The following SEMA3A variants were observed in gnomAD, a reference collection of about 807,000 sequenced individuals.
SEMA3A encodes semaphorin 3A.
SEMA3A carries 29 observed loss-of-function variants against 97.9 expected under a neutral mutation model. The observed-to-expected ratio is 0.30, with a 90% confidence interval of 0.22 to 0.40. The LOEUF is 0.40. Among genes scored for constraint, SEMA3A ranks in the 10% least tolerant of loss-of-function variants. The pLI is 1.00. For synonymous variants in SEMA3A, 321 were observed against 323.7 expected (o/e 0.99, Z 0.09); for missense variants, 763 against 951.3 (o/e 0.80, Z 2.60).
intron 1 of SEMA3A, among the ~76,000 whole-genome samples, chr7:84,375,386 T>C (rs954541318): frequency 4.6e-5 from 7 of 152,312 alleles, no homozygotes; most frequent in Non-Finnish European, 8.8e-5. Context: ...TGTTCACGTA[T>C]GCCACCTTAT....
chr7:84,224,251 T>C (rs973560959), intron 3 of SEMA3A, among the ~76,000 whole-genome samples: 3 of 151,974 alleles, frequency 2.0e-5, no homozygotes, highest in Non-Finnish European at 2.9e-5. Context: ...AAATCAATTA[T>C]TGGTGTTTCA....
intron 2 of SEMA3A, among the ~76,000 whole-genome samples, chr7:84,354,927 T>C (rs1350353542): frequency 5.3e-5 from 8 of 151,720 alleles, no homozygotes; most frequent in Admixed American, 5.3e-4. Context: ...TTATAATAGA[T>C]TTTATTCGCC....
chr7:84,326,440 G>T (rs1179882184), intron 2 of SEMA3A, among the ~76,000 whole-genome samples: 1 of 151,918 alleles, frequency 6.6e-6, no homozygotes, highest in Non-Finnish European at 1.5e-5. Flanking sequence ...TAAAACCTAT[G>T]GGTAAATCAC....
intron 4 of SEMA3A, among the ~76,000 whole-genome samples, chr7:84,066,192 C>T (rs1583907176): frequency 2.0e-5 from 3 of 151,986 alleles, no homozygotes; most frequent in Admixed American, 2.0e-4. Context: ...GCAATAGATG[C>T]AGAAAAAGCC....
chr7:84,062,824 G>A (rs1028851949), intron 4 of SEMA3A, among the ~76,000 whole-genome samples: 23 of 150,990 alleles, frequency 1.5e-4, no homozygotes, highest in Admixed American at 4.6e-4. Flanking sequence ...AAACTACAAG[G>A]CCGCAGCGAG....
At chr7:84,176,730 CA>C (rs2116223086) in intron 1 of SEMA3A, among the ~76,000 whole-genome samples, 1 of 152,192 alleles carries the variant, frequency 6.6e-6, no homozygotes, top group African/African-American at 2.4e-5. Flanking sequence ...ATTTCCAAGC[CA>C]CTCTGACAAT....
At chr7:84,068,283 T>G (rs1195253370) in intron 4 of SEMA3A, among the ~76,000 whole-genome samples, 205 of 106,278 alleles carry the variant, frequency 1.9e-3, no homozygotes, top group African/African-American at 6.1e-3. Flanking sequence ...TGGGGTGGGG[T>G]GAGGGGGGAG....
chr7:84,282,857 T>C (rs1196052267), intron 3 of SEMA3A, among the ~76,000 whole-genome samples: 4 of 151,694 alleles, frequency 2.6e-5, no homozygotes, highest in South Asian at 4.2e-4. Context: ...CTACTAAAAA[T>C]AAAAAAATTA....
At chr7:84,300,317 C>A in intron 3 of SEMA3A, among the ~76,000 whole-genome samples, 1 of 151,790 alleles carries the variant, frequency 6.6e-6, no homozygotes, top group Admixed American at 6.6e-5. Context: ...GAAAATTTCC[C>A]ACAACTGAAG....
intron 3 of SEMA3A, among the ~76,000 whole-genome samples, chr7:84,111,988 C>T (rs1394847932): frequency 6.6e-6 from 1 of 152,124 alleles, no homozygotes; most frequent in Non-Finnish European, 1.5e-5. Flanking sequence ...AGAGTCTCTC[C>T]TCCTTCCCCA....
chr7:84,268,388 C>G (rs972616217), intron 3 of SEMA3A, among the ~76,000 whole-genome samples: 1 of 151,682 alleles, frequency 6.6e-6, no homozygotes, highest in African/African-American at 2.4e-5. Context: ...TTCCTTCTCA[C>G]CTCCAGCTTG....
intron 1 of SEMA3A, among the ~76,000 whole-genome samples, chr7:84,414,380 T>G (rs1307241326): frequency 7.1e-6 from 1 of 140,828 alleles, no homozygotes; most frequent in East Asian, 2.1e-4. Context: ...ACATGATAAA[T>G]AATTGGCTAA....
At chr7:84,219,762 G>A (rs1798833585) in intron 3 of SEMA3A, among the ~76,000 whole-genome samples, 1 of 152,166 alleles carries the variant, frequency 6.6e-6, no homozygotes, top group Admixed American at 6.6e-5. Context: ...TCTTCTGGAT[G>A]ACTTGTTGCA....
At chr7:84,264,629 A>C (rs1799945277) in intron 3 of SEMA3A, among the ~76,000 whole-genome samples, 1 of 152,212 alleles carries the variant, frequency 6.6e-6, no homozygotes, top group Non-Finnish European at 1.5e-5. Flanking sequence ...GCCCTGGAGC[A>C]TTATTCATCA....
At chr7:84,186,673 G>A (rs975510102) in intron 1 of SEMA3A, among the ~76,000 whole-genome samples, 4 of 151,204 alleles carry the variant, frequency 2.6e-5, no homozygotes, top group African/African-American at 9.7e-5. Context: ...ACTATGATTT[G>A]TACATAATAA....
intron 15 of SEMA3A, among the ~76,000 whole-genome samples, chr7:83,969,306 A>T (rs1415132700): frequency 1.3e-5 from 2 of 152,154 alleles, no homozygotes; most frequent in Non-Finnish European, 2.9e-5. Flanking sequence ...CCTCAATGTG[A>T]ATCCTACTCC....
chr7:84,200,158 G>T (rs1416732399), upstream of SEMA3A, among the ~76,000 whole-genome samples: 1 of 143,614 alleles, frequency 7.0e-6, no homozygotes, highest in Non-Finnish European at 1.5e-5. Flanking sequence ...ACAGTTGGGG[G>T]AAAAAAAAAA....
chr7:84,376,432 C>T (rs577312524), intron 1 of SEMA3A, among the ~76,000 whole-genome samples: 1 of 127,530 alleles, frequency 7.8e-6, no homozygotes, highest in Non-Finnish European at 1.7e-5. Flanking sequence ...GAAACCCCGT[C>T]TCTACTAAAA....
chr7:84,056,678 A>T (rs1482186686), intron 5 of SEMA3A, among the ~76,000 whole-genome samples: 1 of 152,144 alleles, frequency 6.6e-6, no homozygotes, highest in East Asian at 1.9e-4. Flanking sequence ...GATGTAAGAA[A>T]AATTTTACAC....
Sources: gnomAD v4.1 joint callset for allele counts (sites outside exome capture counted in the v4.1 genomes callset) on GRCh38, gnomAD v4.1.1 for gene constraint, MANE v1.5 for transcripts, NCBI Gene and HGNC (gene_info 2026-07-23, HGNC 2026-07-21) for gene names.